Variants in EVA1C observed in about 807,000 individuals in gnomAD.
EVA1C encodes eva-1 homolog C.
EVA1C carries 25 observed loss-of-function variants against 45.4 expected under a neutral mutation model. That is an observed-to-expected ratio of 0.55 (90% confidence interval 0.40 to 0.77). EVA1C has a LOEUF of 0.77. Among genes scored for constraint, EVA1C ranks in the 30% least tolerant of loss-of-function variants. EVA1C has a pLI of 0.00. For synonymous variants in EVA1C, 190 were observed against 221.2 expected, an observed-to-expected ratio of 0.86 and a Z score of 1.25; for missense variants, 479 against 554.8, an observed-to-expected ratio of 0.86 and a Z score of 1.37.
At chr21:32,475,919 C>CTATCTATCTATCTAT (rs2036545166) in intron 4 of EVA1C, among the ~76,000 whole-genome samples, 1 of 148,678 alleles carries the variant, frequency 6.7e-6, no homozygotes, top group Non-Finnish European at 1.5e-5. Context: ...ATCTATCTAT[C>CTATCTATCTATCTAT]TATCTATCTA....
intron 5 of EVA1C, among the ~76,000 whole-genome samples, chr21:32,498,431 C>A: frequency 7.1e-6 from 1 of 140,108 alleles, no homozygotes. Flanking sequence ...AAGGGTGAAA[C>A]TCTGTCTCAA....
chr21:32,515,166 A>G lies in EVA1C; in HGVS notation c.1302A>G (p.Pro434=), dbSNP rs2146491134. The G allele has an allele frequency of 1.3e-6, 2 of 1,595,564 alleles. No homozygotes were observed. The highest frequency in any genetic ancestry group is 1.7e-6 in the Non-Finnish European group (2 of 1,167,608). Residue 434 remains proline, a synonymous_variant, in exon 8 of 8, where the codon CCA becomes CCG. Transcript: ENST00000300255. ...ACAGTGGTTTGGACACCTCGCTCCC[A>G]AGAAACATGGGCCAGTTCTACTGAA... The part of the protein sequence containing the change: ...WMNSGLDTSL[P]RNMGQFY
intron 2 of EVA1C, among the ~76,000 whole-genome samples, chr21:32,457,340 C>T (rs1476936990): frequency 5.3e-5 from 8 of 152,202 alleles, no homozygotes; most frequent in Non-Finnish European, 7.3e-5. Context: ...TAGCAGCCGC[C>T]GCACCAGTAG....
intron 1 of EVA1C, among the ~76,000 whole-genome samples, chr21:32,426,363 G>C (rs2034486862): frequency 6.6e-6 from 1 of 152,084 alleles, no homozygotes; most frequent in Non-Finnish European, 1.5e-5. Context: ...TGCATGATGG[G>C]GGGTGGATAA....
intron 4 of EVA1C, among the ~76,000 whole-genome samples, chr21:32,475,291 G>A (rs1372657898): frequency 6.6e-6 from 1 of 151,966 alleles, no homozygotes. Context: ...AGCTTAGTGT[G>A]GCTTTAGTGC....
chr21:32,486,557 A>G (rs771935225), intron 4 of EVA1C, among the ~76,000 whole-genome samples: 22 of 152,170 alleles, frequency 1.4e-4, no homozygotes, highest in Non-Finnish European at 2.8e-4. Flanking sequence ...TAAATTTCCT[A>G]TAATGCTATT....
In EVA1C at chr21:32,453,342, C is replaced by G. The variant is rs772102760; in HGVS notation, c.191C>G (p.Thr64Ser). ...GYLTKLLQNH[T>S]TYACDGDYLN... ...CTAACCAAACTCCTGCAAAACCACA[C>G]CACCTATGCCTGTGATGGGGACTAT... Residue 64 changes from threonine to serine, a missense_variant, in exon 2 of 8, where the codon ACC becomes AGC. Thr to Ser is a moderately conservative substitution (Grantham distance 58). Transcript: ENST00000300255. 10 of 1,599,546 alleles carry G rather than the reference C, an allele frequency of 6.3e-6. No individual in the cohort carries two copies. Among genetic ancestry groups the G allele is most frequent in the Non-Finnish European group, 7.7e-6 (9 of 1,169,570 alleles).
At chr21:32,431,402 C>A (rs2034697197) in intron 1 of EVA1C, among the ~76,000 whole-genome samples, 1 of 152,210 alleles carries the variant, frequency 6.6e-6, no homozygotes, top group East Asian at 1.9e-4. Context: ...ACTTTCCTGT[C>A]ACCCAACGAC....
intron 7 of EVA1C, among the ~76,000 whole-genome samples, chr21:32,512,262 C>G (rs537859668): frequency 6.6e-6 from 1 of 151,934 alleles, no homozygotes; most frequent in Non-Finnish European, 1.5e-5. Context: ...AAAAGTAATT[C>G]GTTAGACATA....
chr21:32,457,079 A>T (rs377034059), intron 2 of EVA1C, among the ~76,000 whole-genome samples: 1 of 152,020 alleles, frequency 6.6e-6, no homozygotes, highest in Non-Finnish European at 1.5e-5. Context: ...TGGCCTGTGG[A>T]TGGTTCGTAA....
chr21:32,501,523 T>G (rs753687467), intron 6 of EVA1C, 28 bp downstream of exon 6: 1 of 1,592,244 alleles, frequency 6.3e-7, no homozygotes, highest in Non-Finnish European at 8.5e-7. Context: ...CTACCAGCAT[T>G]TCTCTTTAAG....
intron 7 of EVA1C, among the ~76,000 whole-genome samples, chr21:32,504,640 G>A (rs1338953050): frequency 6.6e-6 from 1 of 152,130 alleles, no homozygotes; most frequent in Non-Finnish European, 1.5e-5. Context: ...AACACATTTT[G>A]GAATGCCATC....
chr21:32,486,110 G>C (rs1248711216), intron 4 of EVA1C, among the ~76,000 whole-genome samples: 1 of 152,192 alleles, frequency 6.6e-6, no homozygotes, highest in Non-Finnish European at 1.5e-5. Flanking sequence ...CGGAGCTATT[G>C]ATCTTACTGT....
At chr21:32,420,594 A>G (rs1048783553) in intron 1 of EVA1C, among the ~76,000 whole-genome samples, 1 of 151,940 alleles carries the variant, frequency 6.6e-6, no homozygotes, top group Non-Finnish European at 1.5e-5. Context: ...GGGTCTCACT[A>G]TGTTGCCCAG....
At chr21:32,455,490 C>T (rs1274284273) in intron 2 of EVA1C, among the ~76,000 whole-genome samples, 2 of 152,094 alleles carry the variant, frequency 1.3e-5, no homozygotes, top group Middle Eastern at 6.3e-3. Context: ...CACCCTACCC[C>T]TAACTCTCTC....
intron 3 of EVA1C, among the ~76,000 whole-genome samples, chr21:32,459,204 ACACT>A (rs1391816020): frequency 2.6e-5 from 4 of 152,090 alleles, no homozygotes; most frequent in Non-Finnish European, 2.9e-5. Context: ...ACAAGCTGTC[ACACT>A]CACTCACACT....
Position 32,473,971 on chromosome 21 carries a change from G to C in EVA1C, c.634+6123G>C, listed in dbSNP as rs140195959. On this transcript the variant is annotated intron_variant, in intron 4 of 7. Coordinates refer to ENST00000300255, the MANE Select transcript of EVA1C (RefSeq NM_058187.5). Reference sequence around the variant, plus strand: ...GGGCTCTGGCATTTTGGCTGTGGCCGTGAATGCAGTGAAGTATTCATCATA... The same window carrying C: ...GGGCTCTGGCATTTTGGCTGTGGCCCTGAATGCAGTGAAGTATTCATCATA... 3.0e-6 allele frequency: 3 copies of C among 984,810 alleles called. No individual in the cohort carries two copies. The African/African-American group carries it at 5.2e-5, about 17-fold the overall frequency. The allele number at this position is 984,810 out of a possible 1,614,324, so 61.0% of individuals were successfully genotyped here.
chr21:32,444,091 C>CACAA (rs1555855221), intron 1 of EVA1C, among the ~76,000 whole-genome samples: 2,047 of 146,378 alleles, frequency 0.014, 48 homozygotes, highest in Admixed American at 0.023. Context: ...CACACACACA[C>CACAA]AAACTCAAAG....
chr21:32,449,567 A>C (rs2035498854), intron 1 of EVA1C, among the ~76,000 whole-genome samples: 1 of 151,472 alleles, frequency 6.6e-6, no homozygotes, highest in Non-Finnish European at 1.5e-5. Context: ...TTTAGTGCTA[A>C]ATAACATTCC....
Sources: gnomAD v4.1 joint callset for allele counts (sites outside exome capture counted in the v4.1 genomes callset) on GRCh38, gnomAD v4.1.1 for gene constraint, MANE v1.5 for transcripts, NCBI Gene and HGNC (gene_info 2026-07-23, HGNC 2026-07-21) for gene names.